The following CYP2C8 variants were observed in gnomAD, a reference collection of about 807,000 sequenced individuals.
The protein encoded by CYP2C8 is cytochrome P450 2C8.
In CYP2C8, 51 loss-of-function variants were observed where a neutral mutation model predicts 41.3. That is an observed-to-expected ratio of 1.24 (90% CI 0.99 to 1.56). CYP2C8 has a LOEUF of 1.56. Among genes scored for constraint, CYP2C8 ranks in the 40% most tolerant of loss-of-function variants. The pLI is 0.00. For missense variants in CYP2C8, 651 were observed against 579.9 expected, an observed-to-expected ratio of 1.12 and a Z score of -1.26; for synonymous variants, 218 against 205.8, an observed-to-expected ratio of 1.06 and a Z score of -0.51.
At position 95,069,416 on chromosome 10, in the gene CYP2C8, T is replaced by A. The variant is rs780138837; in HGVS notation, c.-14A>T. The A allele has an allele frequency of 3.1e-6, 5 of 1,612,936 alleles. No homozygotes were observed. In the South Asian group the frequency reaches 5.5e-5, roughly 18 times the overall value. ...AAAAGGTTCCATTGAAGCCTTCTCT[T>A]CTTATTAAGACAGCTGTGAGCTTGC... On this transcript the variant is annotated 5_prime_UTR_variant, in exon 1 of 9. Transcript: ENST00000371270.
At chr10:95,050,795 T>C (rs1341163) in intron 5 of CYP2C8, among the ~76,000 whole-genome samples, 97,289 of 151,960 alleles carry the variant, frequency 0.64, 31,852 homozygotes, top group African/African-American at 0.76. Flanking sequence ...AGTTCACTGC[T>C]GGTGCAGTAT....
intron 5 of CYP2C8, among the ~76,000 whole-genome samples, chr10:95,055,250 A>G (rs544179655): frequency 1.2e-3 from 189 of 152,322 alleles, no homozygotes; most frequent in Admixed American, 3.3e-3. Context: ...AAAGGAAAGA[A>G]ATAAAGACCA....
chr10:95,068,568 G>A (rs2033616855), intron 1 of CYP2C8: 1 of 1,282,266 alleles, frequency 7.8e-7, no homozygotes, highest in Non-Finnish European at 1.0e-6. Context: ...AGAACTTATT[G>A]GATGAAATTT....
intron 7 of CYP2C8, among the ~76,000 whole-genome samples, chr10:95,040,296 T>C (rs779250197): frequency 6.6e-6 from 1 of 152,158 alleles, no homozygotes; most frequent in Admixed American, 6.5e-5. Flanking sequence ...TGTGCTTTGA[T>C]GAAAACTGTG....
rs767495950 is a variant in CYP2C8 at position 95,064,865 on chromosome 10, T to G, written c.577A>C (p.Asn193His). ...FQKRFDYKDQ[N>H]FLTLMKRFNE... ...AATCTTTTCATCAGGGTGAGAAAAT[T>G]CTGATCTTTATAATCAAATCGTTTC... Residue 193 changes from asparagine (N) to histidine (H), a missense_variant, in exon 4 of 9, where the codon AAT becomes CAT. Transcript: ENST00000371270. The G allele has an allele frequency of 2.9e-5, 46 of 1,613,914 alleles. No individual in the cohort carries two copies. The South Asian group carries it at 5.0e-4, about 18-fold the overall frequency.
chr10:95,043,804 C>A (rs1372628336), intron 6 of CYP2C8, among the ~76,000 whole-genome samples: 4 of 151,808 alleles, frequency 2.6e-5, no homozygotes, highest in Non-Finnish European at 5.9e-5. Flanking sequence ...TATATTTAGA[C>A]CACAATTTCT....
chr10:95,050,903 C>A (rs2033202270), intron 5 of CYP2C8, among the ~76,000 whole-genome samples: 1 of 151,916 alleles, frequency 6.6e-6, no homozygotes, highest in South Asian at 2.1e-4. Context: ...ACAAAGACAA[C>A]AAAAATACCT....
intron 7 of CYP2C8, among the ~76,000 whole-genome samples, chr10:95,041,925 T>C (rs1006726705): frequency 6.6e-6 from 1 of 152,174 alleles, no homozygotes; most frequent in Non-Finnish European, 1.5e-5. Context: ...GACATGAGCC[T>C]TCTGGGGGCT....
rs867104252 is a variant in CYP2C8 at position 95,064,824 on chromosome 10, C to T, written c.618G>A (p.Arg206=). Residue 206 remains arginine (R), a synonymous_variant, in exon 4 of 9, where the codon AGG becomes AGA. Transcript: ENST00000371270. ...CCTGGATCCATGGGGAGTTCAGAATCCTGAAGTTTTCATTGAATCTTTTCA... is the reference window on the plus strand; with the variant it reads ...CCTGGATCCATGGGGAGTTCAGAATTCTGAAGTTTTCATTGAATCTTTTCA... ...TLMKRFNENF[R]ILNSPWIQVC... is the part of the protein sequence containing the mutation. 1 of 1,613,924 alleles carries T rather than the reference C, an allele frequency of 6.2e-7. No individual in the cohort carries two copies. The highest frequency in any genetic ancestry group is 8.5e-7 in the Non-Finnish European group (1 of 1,179,968).
Position 95,045,919 on chromosome 10 carries a change from A to T in CYP2C8, c.852T>A (p.Ile284=), listed in dbSNP as rs750608193. Reference sequence around the variant, plus strand: ...CAGCTACAGTGCCAACCAAGTTTTCAATATTGAATTCTGACTTTTGGTTGT... The same window carrying T: ...CAGCTACAGTGCCAACCAAGTTTTCTATATTGAATTCTGACTTTTGGTTGT... ...EKDNQKSEFN[I]ENLVGTVADL... The change falls in exon 6 of 9, where the codon ATT becomes ATA. Residue 284 remains isoleucine (I), a synonymous_variant. Transcript: ENST00000371270. 1 of 1,614,030 alleles carries T rather than the reference A, an allele frequency of 6.2e-7. No homozygotes were observed. The highest frequency in any genetic ancestry group is 8.5e-7 in the Non-Finnish European group (1 of 1,179,900).
intron 8 of CYP2C8, among the ~76,000 whole-genome samples, chr10:95,038,244 T>A (rs2032924395): frequency 6.6e-6 from 1 of 152,160 alleles, no homozygotes; most frequent in Non-Finnish European, 1.5e-5. Flanking sequence ...TTATGTAACC[T>A]CTTAGCTTCC....
At chr10:95,051,979 TAAATTG>T (rs897697719) in intron 5 of CYP2C8, among the ~76,000 whole-genome samples, 35 of 151,146 alleles carry the variant, frequency 2.3e-4, no homozygotes, top group African/African-American at 8.3e-4. Flanking sequence ...AGAGCAGAAA[TAAATTG>T]AAATAAAGAA....
chr10:95,069,022 C>T (rs375546405), intron 1 of CYP2C8, among the ~76,000 whole-genome samples: 12 of 151,154 alleles, frequency 7.9e-5, no homozygotes, highest in African/African-American at 2.9e-4. Context: ...GAGATAGTGC[C>T]ACTGCACTCC....
rs371605006 is a variant in CYP2C8 at position 95,042,886 on chromosome 10, T to A, written c.1149+4A>T. 4 of 1,612,434 alleles carry A rather than the reference T, an allele frequency of 2.5e-6. No individual in the cohort carries two copies. The highest frequency in any genetic ancestry group is 3.4e-6 in the Non-Finnish European group (4 of 1,178,440). On this transcript the variant is annotated splice_donor_region_variant and intron_variant, in intron 7 of 8. Coordinates refer to ENST00000371270, the MANE Select transcript of CYP2C8 (RefSeq NM_000770.3). The stretch of plus-strand genomic sequence containing the variant: ...GAAATATAGTGTAAGAGAAACAAGC[T>A]TACCTTGGGGATGAGGTAGTTTCTG...
At chr10:95,039,932 A>G (rs2032961743) in intron 7 of CYP2C8, among the ~76,000 whole-genome samples, 1 of 152,196 alleles carries the variant, frequency 6.6e-6, no homozygotes, top group Non-Finnish European at 1.5e-5. Flanking sequence ...ACAGTCATAC[A>G]AAACCAGCCT....
chr10:95,068,755 T>C (rs2033621327), intron 1 of CYP2C8: 4 of 579,804 alleles, frequency 6.9e-6, no homozygotes, highest in African/African-American at 1.9e-5. Context: ...TTTCTGACAA[T>C]GACAGACTTA....
chr10:95,039,924 A>G (rs2134406896), intron 7 of CYP2C8, among the ~76,000 whole-genome samples: 1 of 152,326 alleles, frequency 6.6e-6, no homozygotes, highest in South Asian at 2.1e-4. Flanking sequence ...TCTAGAAAAC[A>G]GTCATACAAA....
At chr10:95,050,440 A>G (rs1217963121) in intron 5 of CYP2C8, among the ~76,000 whole-genome samples, 2 of 152,130 alleles carry the variant, frequency 1.3e-5, no homozygotes, top group African/African-American at 2.4e-5. Flanking sequence ...TAGCCAGGGA[A>G]TGGTTGCAGC....
chr10:95,052,257 A>G (rs2134421299), intron 5 of CYP2C8, among the ~76,000 whole-genome samples: 1 of 152,190 alleles, frequency 6.6e-6, no homozygotes, highest in Non-Finnish European at 1.5e-5. Flanking sequence ...TGAACCATGA[A>G]GAAATCCAAA....
Sources: allele counts gnomAD v4.1 joint callset (sites outside exome capture counted in the v4.1 genomes callset), GRCh38; gene constraint gnomAD v4.1.1; transcripts MANE v1.5; gene names NCBI Gene and HGNC (gene_info 2026-07-23, HGNC 2026-07-21).